The following ARID1A variants were observed in gnomAD, a reference collection of about 807,000 sequenced individuals.
ARID1A encodes the protein AT-rich interactive domain-containing protein 1A.
In ARID1A, 20 loss-of-function variants were observed where a neutral mutation model predicts 212.6. The ratio of observed to expected loss-of-function variants is 0.09; its 90% CI spans 0.07 to 0.14. The LOEUF (loss-of-function observed/expected upper bound fraction) is 0.14, where lower values mean the gene tolerates loss of function less well. Ranked by LOEUF, ARID1A falls within the 10% of genes least tolerant of loss-of-function variation. ARID1A has a pLI of 1.00. For missense variants in ARID1A, 2,587 were observed against 3,059.0 expected, an observed-to-expected ratio of 0.85 and a Z score of 3.64; for synonymous variants, 1,376 against 1,222.1, an observed-to-expected ratio of 1.13 and a Z score of -2.63.
chr1:26,700,233 G>GCT (rs1163688327), intron 1 of ARID1A, among the ~76,000 whole-genome samples: 1 of 152,154 alleles, frequency 6.6e-6, no homozygotes, highest in African/African-American at 2.4e-5. Flanking sequence ...AGACCATGAT[G>GCT]CTCTACTCTT....
chr1:26,763,125 A>T lies in ARID1A; in HGVS notation c.2572A>T (p.Met858Leu), dbSNP rs1364129370. Residue 858 changes from methionine (M) to leucine (L), a missense_variant, in exon 8 of 20, where the codon ATG (methionine) becomes TTG (leucine). Coordinates refer to ENST00000324856, the MANE Select transcript of ARID1A (RefSeq NM_006015.6). ...PPYGTLPPGR[M>L]SHASMGNRPY... The stretch of plus-strand genomic sequence containing the variant: ...TTATGGCACACTCCCTCCAGGGAGG[A>T]TGAGTCACGCCTCCATGGGCAACCG... 1 of 1,614,244 alleles carries T rather than the reference A, an allele frequency of 6.2e-7. No homozygotes were observed. The highest frequency in any genetic ancestry group is 8.5e-7 in the Non-Finnish European group (1 of 1,180,028).
rs147554664 is a variant in ARID1A at position 26,731,517 on chromosome 1, G to C, written c.1716G>C (p.Thr572=). The change falls in exon 3 of 20, where the codon ACG becomes ACC. Residue 572 remains threonine, a synonymous_variant. Transcript: ENST00000324856. ...QQQPQQPAPS[T]LSQQAAYPQP... The stretch of plus-strand genomic sequence containing the variant: ...AACCTCAGCAGCCAGCACCCTCGAC[G>C]CTCTCCCAGCAGGCTGCGTATCCTC... 1 of 1,613,896 alleles carries C rather than the reference G, an allele frequency of 6.2e-7. No individual in the cohort carries two copies. The highest frequency in any genetic ancestry group is 1.3e-5 in the African/African-American group (1 of 74,936).
intron 10 of ARID1A, 32 bp from the exon 11 acceptor site, chr1:26,767,758 C>T (rs2081051692): frequency 6.4e-7 from 1 of 1,565,494 alleles, no homozygotes. Flanking sequence ...GAATCTGACC[C>T]ATTCCTATGA....
chr1:26,700,030 C>G (rs373710065), intron 1 of ARID1A, among the ~76,000 whole-genome samples: 1 of 152,120 alleles, frequency 6.6e-6, no homozygotes, highest in Non-Finnish European at 1.5e-5. Context: ...AACATAGATT[C>G]CTAATTAATT....
At chr1:26,756,108 C>G (rs570523339) in intron 4 of ARID1A, among the ~76,000 whole-genome samples, 1 of 151,764 alleles carries the variant, frequency 6.6e-6, no homozygotes, top group Admixed American at 6.6e-5. Context: ...CGCTTCAGTA[C>G]ATGTCCAAAG....
chr1:26,719,211 A>G (rs2080536215), intron 1 of ARID1A, among the ~76,000 whole-genome samples: 1 of 152,200 alleles, frequency 6.6e-6, no homozygotes, highest in African/African-American at 2.4e-5. Context: ...CCTGAAATTT[A>G]TATTCTAGTC....
intron 1 of ARID1A, among the ~76,000 whole-genome samples, chr1:26,705,254 CAGCCTCCTG>C (rs1476093146): frequency 6.6e-6 from 1 of 152,008 alleles, no homozygotes; most frequent in Non-Finnish European, 1.5e-5. Flanking sequence ...TCTCATGCCT[CAGCCTCCTG>C]AGTAGCTGGG....
Position 26,772,455 on chromosome 1 carries a change from A to G in ARID1A, c.3407-45A>G, listed in dbSNP as rs185759594. ...TCGTGTGTTTGTGTGAGAGTTAAAC[A>G]CTGTCATGCCAAGCAAACTACTCAA... On this transcript the variant is annotated intron_variant, in intron 12 of 19. Coordinates refer to ENST00000324856, the MANE Select transcript of ARID1A (RefSeq NM_006015.6). 5.0e-5 allele frequency: 81 copies of G among 1,613,036 alleles called. 1 individual carries two copies. The South Asian group carries it at 7.2e-4, about 14-fold the overall frequency.
At chr1:26,739,989 T>G (rs1444237169) in intron 4 of ARID1A, among the ~76,000 whole-genome samples, 1 of 127,474 alleles carries the variant, frequency 7.8e-6, no homozygotes, top group Admixed American at 8.0e-5. Context: ...GTGATCATCT[T>G]AAAAAAAAAA....
In ARID1A at chr1:26,779,298, T is replaced by C. The variant is rs544579117; in HGVS notation, c.5400T>C (p.Asn1800=). 71 of 1,614,046 alleles carry C rather than the reference T, an allele frequency of 4.4e-5. No individual in the cohort carries two copies. The highest frequency in any genetic ancestry group is 5.5e-5 in the Non-Finnish European group (65 of 1,180,038). ...GCAAGGACAAGCCAGCTTCAGAGAA[T>C]AGTGAGGAGAAGCTGATCAGTAAGT... The part of the protein sequence containing the change: ...FSGKDKPASE[N]SEEKLISKFD... The change falls in exon 20 of 20, where the codon AAT becomes AAC. Residue 1800 remains asparagine (N), a synonymous_variant. Coordinates refer to ENST00000324856, the MANE Select transcript of ARID1A (RefSeq NM_006015.6).
chr1:26,703,129 A>T (rs1290676921), intron 1 of ARID1A, among the ~76,000 whole-genome samples: 1 of 152,138 alleles, frequency 6.6e-6, no homozygotes, highest in African/African-American at 2.4e-5. Context: ...TCTGTGTATC[A>T]CTTATGATAA....
chr1:26,698,154 G>C (rs1263307993), intron 1 of ARID1A, among the ~76,000 whole-genome samples: 1 of 152,248 alleles, frequency 6.6e-6, no homozygotes, highest in Admixed American at 6.5e-5. Flanking sequence ...GGAAGTGCTG[G>C]TAAACAGCTG....
At chr1:26,728,269 TAAG>T (rs1184676704) in intron 1 of ARID1A, among the ~76,000 whole-genome samples, 4 of 152,344 alleles carry the variant, frequency 2.6e-5, no homozygotes, top group Middle Eastern at 6.8e-3. Context: ...CCTTTGATAT[TAAG>T]AAGAACAGCC....
intron 4 of ARID1A, among the ~76,000 whole-genome samples, chr1:26,734,431 T>C (rs1012229392): frequency 1.3e-5 from 2 of 151,680 alleles, no homozygotes; most frequent in African/African-American, 4.8e-5. Flanking sequence ...AAGAACTTCT[T>C]ATCTGACCCA....
At chr1:26,736,798 A>C (rs2080735976) in intron 4 of ARID1A, among the ~76,000 whole-genome samples, 1 of 149,154 alleles carries the variant, frequency 6.7e-6, no homozygotes, top group African/African-American at 2.5e-5. Flanking sequence ...TCTACTCGGG[A>C]GGCTGAGGCA....
chr1:26,722,245 G>T (rs978010611), intron 1 of ARID1A, among the ~76,000 whole-genome samples: 6 of 151,662 alleles, frequency 4.0e-5, no homozygotes, highest in Non-Finnish European at 7.4e-5. Flanking sequence ...TTTTGTGGTG[G>T]TTTTTTTTGT....
At chr1:26,720,767 GGT>G (rs2080556268) in intron 1 of ARID1A, among the ~76,000 whole-genome samples, 1 of 152,012 alleles carries the variant, frequency 6.6e-6, no homozygotes, top group Non-Finnish European at 1.5e-5. Context: ...AGGAGGCTGA[GGT>G]GGGAGGATCA....
chr1:26,708,623 T>C (rs903749455), intron 1 of ARID1A, among the ~76,000 whole-genome samples: 2 of 150,658 alleles, frequency 1.3e-5, no homozygotes, highest in African/African-American at 4.9e-5. Flanking sequence ...TGACTTGAAT[T>C]ATGAAAGTAT....
rs1405973066 is a variant in ARID1A, at chr1:26,763,152, C to T, written c.2599C>T (p.Pro867Ser). The part of the protein sequence containing the change: ...RMSHASMGNR[P>S]YGPNMANMPP... The stretch of plus-strand genomic sequence containing the variant: ...GAGTCACGCCTCCATGGGCAACCGG[C>T]CTTATGGCCCTAACATGGCCAATAT... Residue 867 changes from proline (P) to serine (S), a missense_variant, in exon 8 of 20, where the codon CCT becomes TCT. By Grantham distance (74) the Pro-to-Ser change is moderately conservative. Transcript: ENST00000324856. The T allele has an allele frequency of 1.2e-6, 2 of 1,614,160 alleles. No individual in the cohort carries two copies. Among genetic ancestry groups the T allele is most frequent in the African/African-American group, 2.7e-5 (2 of 74,940 alleles).
Sources: gnomAD v4.1 joint callset for allele counts (sites outside exome capture counted in the v4.1 genomes callset) on GRCh38, gnomAD v4.1.1 for gene constraint, MANE v1.5 for transcripts, NCBI Gene and HGNC (gene_info 2026-07-23, HGNC 2026-07-21) for gene names.